Variants in CPNE4 observed in about 807,000 individuals in gnomAD.
CPNE4 encodes copine 4, also known as copine-4.
In CPNE4, 25 loss-of-function variants were observed where a neutral mutation model predicts 67.9. That is an observed-to-expected ratio of 0.37 (90% CI 0.27 to 0.51). The LOEUF is 0.51. CPNE4 is among the 20% of genes least tolerant of loss of function. The pLI is 0.93. For synonymous variants in CPNE4, 242 were observed against 244.9 expected, an observed-to-expected ratio of 0.99 and a Z score of 0.11; for missense variants, 464 against 690.8, an observed-to-expected ratio of 0.67 and a Z score of 3.68.
chr3:131,619,348 A>G (rs560349215), intron 7 of CPNE4, among the ~76,000 whole-genome samples: 1 of 152,300 alleles, frequency 6.6e-6, no homozygotes, highest in Non-Finnish European at 1.5e-5. Context: ...CAGGACTTAG[A>G]CAAGTGTTTC....
At position 131,723,560 on chromosome 3, in the gene CPNE4, G is replaced by A. The variant is rs766891057; in HGVS notation, c.246C>T (p.Asp82=). ...NPVYSKLFTV[D]FYFEEVQRLR... ...GGCGCTGCACCTCCTCAAAGTAAAA[G>A]TCCACAGTAAACAGTTTTGAGTACA... The change falls in exon 3 of 16, where the codon GAC becomes GAT. Residue 82 remains aspartate, a synonymous_variant. Transcript: ENST00000429747. 1.3e-5 allele frequency: 21 copies of A among 1,614,124 alleles called. No homozygotes were observed. The highest frequency in any genetic ancestry group is 1.7e-5 in the Non-Finnish European group (20 of 1,179,996).
chr3:131,952,558 CGGG>C (rs1560666183), intron 1 of CPNE4, among the ~76,000 whole-genome samples: 9 of 123,878 alleles, frequency 7.3e-5, no homozygotes, highest in African/African-American at 1.4e-4. Context: ...CCACCCCATC[CGGG>C]AGGGAGGTGG....
chr3:131,997,563 A>G (rs1181536823), intron 1 of CPNE4, among the ~76,000 whole-genome samples: 1 of 152,112 alleles, frequency 6.6e-6, no homozygotes, highest in Non-Finnish European at 1.5e-5. Flanking sequence ...AGAAAAAGAG[A>G]TATATTTTAC....
intron 2 of CPNE4, among the ~76,000 whole-genome samples, chr3:131,796,613 C>T (rs2083925516): frequency 6.6e-6 from 1 of 152,212 alleles, no homozygotes; most frequent in Non-Finnish European, 1.5e-5. Flanking sequence ...GCCCCCTCCT[C>T]CCCAGGGTCC....
At chr3:131,775,133 A>T (rs999069623) in intron 2 of CPNE4, among the ~76,000 whole-genome samples, 3 of 152,068 alleles carry the variant, frequency 2.0e-5, no homozygotes, top group African/African-American at 7.2e-5. Context: ...AGCTTTAAAA[A>T]ATTTTTGTCT....
At chr3:131,743,962 CAAAAAAAA>C (rs67791015) in intron 2 of CPNE4, among the ~76,000 whole-genome samples, 4 of 59,206 alleles carry the variant, frequency 6.8e-5, no homozygotes, top group Admixed American at 2.8e-4. Context: ...GACTCCGTCT[CAAAAAAAA>C]AAAAAAAAAA....
intron 2 of CPNE4, among the ~76,000 whole-genome samples, chr3:131,862,533 A>G (rs1366386111): frequency 1.3e-5 from 2 of 152,064 alleles, no homozygotes; most frequent in East Asian, 3.9e-4. Context: ...CAAAAATCCT[A>G]AAATTCTTAT....
chr3:131,817,844 A>C (rs2084804821), intron 2 of CPNE4, among the ~76,000 whole-genome samples: 1 of 152,214 alleles, frequency 6.6e-6, no homozygotes, highest in African/African-American at 2.4e-5. Flanking sequence ...TGAATAAGCA[A>C]CATTTTACCA....
At chr3:131,869,646 T>C (rs1037435081) in intron 2 of CPNE4, among the ~76,000 whole-genome samples, 1 of 152,182 alleles carries the variant, frequency 6.6e-6, no homozygotes, top group Non-Finnish European at 1.5e-5. Context: ...TTTTGAACAA[T>C]GCATTATATG....
chr3:131,815,915 A>T (rs1456669342), intron 2 of CPNE4, among the ~76,000 whole-genome samples: 6 of 152,084 alleles, frequency 3.9e-5, no homozygotes, highest in African/African-American at 1.4e-4. Context: ...TAACATTGCT[A>T]CTTGTGTGTA....
chr3:131,581,176 ACAAAGCAAACAAACAAAACCAAAAC>A (rs1352177551), intron 9 of CPNE4, among the ~76,000 whole-genome samples: 5 of 152,194 alleles, frequency 3.3e-5, no homozygotes, highest in African/African-American at 1.2e-4. Context: ...CTGTCCCAAA[ACAAAGCAAACAAACAAAACCAAAAC>A]CAAACCAAAC....
intron 1 of CPNE4, among the ~76,000 whole-genome samples, chr3:131,990,581 G>A (rs116003512): frequency 0.03 from 4,073 of 135,724 alleles, 946 homozygotes; most frequent in Middle Eastern, 0.06. Flanking sequence ...AACATAATAC[G>A]TATAGAATAA....
chr3:131,808,017 C>T (rs962066175), intron 2 of CPNE4, among the ~76,000 whole-genome samples: 1 of 152,086 alleles, frequency 6.6e-6, no homozygotes, highest in African/African-American at 2.4e-5. Context: ...GACTTTGAAG[C>T]CAGTGTTGAA....
chr3:131,743,949 C>G (rs1156796851), intron 2 of CPNE4, among the ~76,000 whole-genome samples: 1 of 88,888 alleles, frequency 1.1e-5, no homozygotes, highest in African/African-American at 5.2e-5. Context: ...GGCGACAGAG[C>G]GAGACTCCGT....
chr3:131,758,312 C>A (rs1189962384), intron 2 of CPNE4, among the ~76,000 whole-genome samples: 1 of 152,172 alleles, frequency 6.6e-6, no homozygotes, highest in Non-Finnish European at 1.5e-5. Flanking sequence ...ATCAACATGA[C>A]CTGGATGTGA....
chr3:131,751,779 TTTTGTTTG>T (rs139264698), intron 2 of CPNE4, among the ~76,000 whole-genome samples: 1 of 150,388 alleles, frequency 6.6e-6, no homozygotes, highest in Non-Finnish European at 1.5e-5. Context: ...TTTTTTGTTT[TTTTGTTTG>T]TTTGTTTGTT....
chr3:131,717,835 T>C (rs1336791288), intron 3 of CPNE4, among the ~76,000 whole-genome samples: 1 of 117,018 alleles, frequency 8.5e-6, no homozygotes, highest in Non-Finnish European at 1.8e-5. Context: ...TCTTTCTTCC[T>C]TCCTTCCTTC....
intron 8 of CPNE4, among the ~76,000 whole-genome samples, chr3:131,583,955 C>T (rs1166052791): frequency 6.6e-6 from 1 of 152,184 alleles, no homozygotes; most frequent in African/African-American, 2.4e-5. Context: ...CTATTAACCA[C>T]AATGCCTTCT....
intron 2 of CPNE4, among the ~76,000 whole-genome samples, chr3:131,810,274 G>A (rs562859250): frequency 6.6e-6 from 1 of 152,150 alleles, no homozygotes; most frequent in South Asian, 2.1e-4. Flanking sequence ...CCTCTGAAAT[G>A]GGAGAATATT....
Sources: allele counts gnomAD v4.1 joint callset (sites outside exome capture counted in the v4.1 genomes callset), GRCh38; gene constraint gnomAD v4.1.1; transcripts MANE v1.5; gene names NCBI Gene and HGNC (gene_info 2026-07-23, HGNC 2026-07-21).